The following SNX29 variants were observed in gnomAD, a reference collection of about 807,000 sequenced individuals.
The protein encoded by SNX29 is sorting nexin-29.
A neutral mutation model predicts 102.1 loss-of-function variants in SNX29; 78 were observed. The ratio of observed to expected loss-of-function variants is 0.76; its 90% CI spans 0.64 to 0.92. The LOEUF (loss-of-function observed/expected upper bound fraction) is 0.92, where lower values mean the gene tolerates loss of function less well. Among genes scored for constraint, SNX29 ranks in the 40% least tolerant of loss-of-function variants. SNX29 has a pLI of 0.00. For synonymous variants in SNX29, 580 were observed against 414.5 expected (o/e 1.40, Z -4.85); for missense variants, 1,280 against 1,061.7 (o/e 1.21, Z -2.86).
At chr16:12,281,523 G>A (rs2079429471) in intron 15 of SNX29, among the ~76,000 whole-genome samples, 1 of 152,144 alleles carries the variant, frequency 6.6e-6, no homozygotes, top group African/African-American at 2.4e-5. Context: ...AAAACAAGGA[G>A]GACAGGAGAA....
chr16:12,056,167 C>G (rs548979595), intron 8 of SNX29, among the ~76,000 whole-genome samples: 1 of 152,342 alleles, frequency 6.6e-6, no homozygotes, highest in South Asian at 2.1e-4. Context: ...CAGGCATGAG[C>G]CTCTGCACCT....
intron 14 of SNX29, among the ~76,000 whole-genome samples, chr16:12,207,697 C>G (rs968736077): frequency 6.6e-6 from 1 of 152,290 alleles, no homozygotes; most frequent in Middle Eastern, 3.4e-3. Context: ...CCAGATGTTG[C>G]ATTTGTGGTA....
intron 15 of SNX29, among the ~76,000 whole-genome samples, chr16:12,335,652 G>T (rs2081424138): frequency 6.6e-6 from 1 of 152,178 alleles, no homozygotes; most frequent in Non-Finnish European, 1.5e-5. Flanking sequence ...CTCCAGACGG[G>T]GTGACGGAGT....
chr16:12,048,797 T>A (rs1232622433), intron 7 of SNX29, among the ~76,000 whole-genome samples, 177 bp downstream of exon 7: 2 of 152,170 alleles, frequency 1.3e-5, no homozygotes, highest in Non-Finnish European at 2.9e-5. Flanking sequence ...CTGACGGCCT[T>A]ACCTAGATGC....
intron 4 of SNX29, chr16:12,027,689 CG>C (rs2057232872): frequency 5.8e-6 from 2 of 341,896 alleles, no homozygotes; most frequent in South Asian, 6.5e-5. Context: ...CCTCTGGGTT[CG>C]GGGACCTGTA....
At chr16:12,471,824 A>T (rs565312640) in intron 18 of SNX29, among the ~76,000 whole-genome samples, 1 of 152,372 alleles carries the variant, frequency 6.6e-6, no homozygotes, top group Admixed American at 6.5e-5. Flanking sequence ...TAGATCCTGG[A>T]TGTTTCCAGC....
chr16:12,363,221 T>C (rs1026984689), intron 16 of SNX29, among the ~76,000 whole-genome samples: 2 of 152,220 alleles, frequency 1.3e-5, no homozygotes, highest in East Asian at 3.8e-4. Context: ...TTGGTCGTCA[T>C]CTCAGAGTCA....
rs1398645968 is a variant in SNX29 at position 12,360,123 on chromosome 16, C to T, written c.1899+3844C>T. ...ACTGGCGTGAGCCACCGCACCTGGCCTAACACCTATTGTTAACAGTAATTT... is the reference window on the plus strand; with the variant it reads ...ACTGGCGTGAGCCACCGCACCTGGCTTAACACCTATTGTTAACAGTAATTT... On this transcript the variant is annotated intron_variant, in intron 16 of 20. Transcript: ENST00000566228. Among the ~76,000 whole-genome samples, 5 of 152,242 alleles carry T rather than the reference C, an allele frequency of 3.3e-5. No individual in the cohort carries two copies. In the East Asian group the frequency reaches 9.6e-4, roughly 29 times the overall value.
chr16:12,344,879 A>C (rs1277895178), intron 15 of SNX29, among the ~76,000 whole-genome samples: 1 of 152,238 alleles, frequency 6.6e-6, no homozygotes, highest in Non-Finnish European at 1.5e-5. Flanking sequence ...TGTGCTTTTG[A>C]AAGGAGAGGC....
intron 13 of SNX29, among the ~76,000 whole-genome samples, chr16:12,150,665 C>A (rs191789872): frequency 6.6e-6 from 1 of 152,190 alleles, no homozygotes; most frequent in South Asian, 2.1e-4. Context: ...AGATAGTGTG[C>A]GTGAGCTGCA....
At chr16:12,485,194 C>G (rs1196653750) in intron 19 of SNX29, among the ~76,000 whole-genome samples, 1 of 152,160 alleles carries the variant, frequency 6.6e-6, no homozygotes, top group Admixed American at 6.5e-5. Flanking sequence ...GCCAAGCAGG[C>G]TTTTGGAGAC....
intron 14 of SNX29, among the ~76,000 whole-genome samples, chr16:12,219,629 C>A (rs1034681642): frequency 6.6e-6 from 1 of 152,214 alleles, no homozygotes; most frequent in Non-Finnish European, 1.5e-5. Context: ...TTTCTCTCTT[C>A]CTTATTGAAT....
intron 16 of SNX29, chr16:12,367,087 G>C (rs58031076): frequency 0.044 from 6,742 of 152,330 alleles, 287 homozygotes; most frequent in African/African-American, 0.11. Flanking sequence ...GGTCCCTGTG[G>C]AGTGGGCCAT....
At chr16:12,166,280 G>A (rs1380860511) in intron 13 of SNX29, among the ~76,000 whole-genome samples, 3 of 152,192 alleles carry the variant, frequency 2.0e-5, no homozygotes, top group Non-Finnish European at 4.4e-5. Context: ...GAGCAGCCAG[G>A]CAAATGGGAG....
intron 20 of SNX29, among the ~76,000 whole-genome samples, chr16:12,534,599 C>G (rs1225951547): frequency 6.6e-6 from 1 of 152,160 alleles, no homozygotes; most frequent in Non-Finnish European, 1.5e-5. Flanking sequence ...GGTATTGTCA[C>G]CTGTTAAATT....
At chr16:11,999,273 T>C in intron 1 of SNX29, 24 bp from the exon 2 acceptor site, 1 of 1,613,250 alleles carries the variant, frequency 6.2e-7, no homozygotes, top group Non-Finnish European at 8.5e-7. Flanking sequence ...CAGAGAGAAC[T>C]AATTAAGCCT....
In SNX29 at chr16:12,126,656, G is replaced by T. The variant is rs766908268; in HGVS notation, c.1426G>T (p.Ala476Ser). ...AGGTGAACTGCGCCAGGCCACTGTG[G>T]CCATGATGAACAGGAAGGATGAGCT... ...TISELRQATV[A>S]MMNRKDELEE... The change falls in exon 12 of 21, where the codon GCC (alanine) becomes TCC (serine). Residue 476 changes from alanine (A) to serine (S), a missense_variant. Ala to Ser is a moderately conservative substitution (Grantham distance 99). Coordinates refer to ENST00000566228, the MANE Select transcript of SNX29 (RefSeq NM_032167.5). 3.1e-6 allele frequency: 5 copies of T among 1,613,914 alleles called. No individual in the cohort carries two copies. The highest frequency in any genetic ancestry group is 1.3e-5 in the African/African-American group (1 of 74,952).
chr16:12,098,410 G>A lies in SNX29; in HGVS notation c.1402+19495G>A, dbSNP rs980614785. Among the ~76,000 whole-genome samples the A allele has an allele frequency of 2.0e-5, 3 of 152,126 alleles. No homozygotes were observed. The highest frequency in any genetic ancestry group is 2.9e-5 in the Non-Finnish European group (2 of 68,036). ...GGAGTTCACCTTCTGGAAGAACGTC[G>A]CTGCCCAGTTGAATAGGGGGTTGGG... On this transcript the variant is annotated intron_variant, in intron 11 of 20. Coordinates refer to ENST00000566228, the MANE Select transcript of SNX29 (RefSeq NM_032167.5). The surrounding 1 kb of genome is among the most constrained non-coding windows in gnomAD (Gnocchi z 6.0).
chr16:12,295,698 G>A (rs2079958765), intron 15 of SNX29, among the ~76,000 whole-genome samples: 1 of 151,988 alleles, frequency 6.6e-6, no homozygotes, highest in African/African-American at 2.4e-5. Context: ...ATTTCTCTGG[G>A]TCACACAGGC....
Sources: gnomAD v4.1 joint callset for allele counts (sites outside exome capture counted in the v4.1 genomes callset) on GRCh38, gnomAD v4.1.1 for gene constraint, Gnocchi (gnomAD v3.1) non-coding constraint, MANE v1.5 for transcripts, NCBI Gene and HGNC (gene_info 2026-07-23, HGNC 2026-07-21) for gene names.